Variants in PTPRD observed in about 807,000 individuals in gnomAD.
The protein encoded by PTPRD is receptor-type tyrosine-protein phosphatase delta.
A neutral mutation model predicts 214.5 loss-of-function variants in PTPRD; 34 were observed. The observed-to-expected ratio is 0.16, with a 90% CI of 0.12 to 0.21. PTPRD has a LOEUF of 0.21. Ranked by LOEUF, PTPRD falls within the 10% of genes least tolerant of loss-of-function variation. The pLI is 1.00. For missense variants in PTPRD, 2,545 were observed against 2,398.7 expected (o/e 1.06, Z -1.27); for synonymous variants, 1,128 against 845.7 (o/e 1.33, Z -5.79).
intron 14 of PTPRD, among the ~76,000 whole-genome samples, chr9:8,580,138 GA>G (rs2092915940): frequency 6.6e-6 from 1 of 152,118 alleles, no homozygotes; most frequent in Admixed American, 6.5e-5. Context: ...CAGAATATAC[GA>G]AACAAATGTT....
chr9:8,752,360 T>A (rs888248580), intron 11 of PTPRD, among the ~76,000 whole-genome samples: 1 of 152,118 alleles, frequency 6.6e-6, no homozygotes, highest in Non-Finnish European at 1.5e-5. Flanking sequence ...ACAGATGCCA[T>A]GGCAACATCA....
intron 9 of PTPRD, among the ~76,000 whole-genome samples, chr9:9,336,972 A>G (rs1202152520): frequency 1.3e-5 from 2 of 152,194 alleles, no homozygotes; most frequent in East Asian, 3.8e-4. Context: ...TATATAAACT[A>G]ATAGTTCTTT....
chr9:9,579,017 C>A (rs1265831584), intron 7 of PTPRD, among the ~76,000 whole-genome samples: 1 of 152,048 alleles, frequency 6.6e-6, no homozygotes, highest in African/African-American at 2.4e-5. Context: ...TGTTCTTTAT[C>A]ATACACATTT....
At chr9:9,977,193 C>T (rs753679823) in intron 4 of PTPRD, among the ~76,000 whole-genome samples, 1 of 152,128 alleles carries the variant, frequency 6.6e-6, no homozygotes, top group Non-Finnish European at 1.5e-5. Flanking sequence ...GGTGGATTCC[C>T]AGCTCTGCTA....
chr9:8,575,986 A>G (rs1330731746), intron 14 of PTPRD, among the ~76,000 whole-genome samples: 1 of 152,192 alleles, frequency 6.6e-6, no homozygotes, highest in African/African-American at 2.4e-5. Context: ...GTCAGTTTAC[A>G]TTTACAAATG....
At chr9:10,011,309 G>C (rs1022887650) in intron 4 of PTPRD, among the ~76,000 whole-genome samples, 27 of 151,864 alleles carry the variant, frequency 1.8e-4, no homozygotes, top group African/African-American at 6.5e-4. Flanking sequence ...ATTGAATTTA[G>C]TTAAATTGTT....
intron 10 of PTPRD, among the ~76,000 whole-genome samples, chr9:9,099,019 A>G (rs1388185306): frequency 6.6e-6 from 1 of 152,232 alleles, no homozygotes. Context: ...TGAATGGGTA[A>G]TTCTTGGAAA....
intron 39 of PTPRD, among the ~76,000 whole-genome samples, chr9:8,371,692 C>T (rs1213693664): frequency 6.6e-6 from 1 of 151,970 alleles, no homozygotes; most frequent in Non-Finnish European, 1.5e-5. Flanking sequence ...AAAAAATTAT[C>T]GTGTATATCA....
intron 12 of PTPRD, among the ~76,000 whole-genome samples, chr9:8,640,976 GAA>G (rs1355756207): frequency 4.0e-5 from 6 of 148,260 alleles, no homozygotes; most frequent in Non-Finnish European, 7.4e-5. Flanking sequence ...GAGGTAGAGA[GAA>G]GACTAAACTT....
intron 12 of PTPRD, among the ~76,000 whole-genome samples, chr9:8,661,388 T>C (rs1241807140): frequency 2.6e-5 from 4 of 152,008 alleles, no homozygotes; most frequent in Non-Finnish European, 5.9e-5. Flanking sequence ...GTTGTATTTA[T>C]AGTGGGGGCA....
intron 5 of PTPRD, among the ~76,000 whole-genome samples, chr9:9,794,711 A>G (rs2098991146): frequency 6.6e-6 from 1 of 152,212 alleles, no homozygotes; most frequent in Admixed American, 6.5e-5. Flanking sequence ...TACAGATAAT[A>G]AAACCATGGC....
chr9:8,702,515 A>T (rs2098112090), intron 12 of PTPRD, among the ~76,000 whole-genome samples: 1 of 152,206 alleles, frequency 6.6e-6, no homozygotes, highest in South Asian at 2.1e-4. Context: ...AATAAAGCCA[A>T]CAAGGACAGT....
intron 3 of PTPRD, among the ~76,000 whole-genome samples, chr9:10,328,351 C>A (rs138091581): frequency 6.6e-6 from 1 of 151,626 alleles, no homozygotes; most frequent in Admixed American, 6.6e-5. Flanking sequence ...TGCATTTGCA[C>A]AGGAGACTGT....
At chr9:9,094,961 A>C (rs1156751274) in intron 10 of PTPRD, among the ~76,000 whole-genome samples, 1 of 152,200 alleles carries the variant, frequency 6.6e-6, no homozygotes, top group African/African-American at 2.4e-5. Context: ...GCAAATAGAC[A>C]AAAGTGATAA....
chr9:8,542,943 C>T lies in PTPRD; in HGVS notation c.353-14164G>A, dbSNP rs72696604. ...TGCAATTTGAAGACAGTTGAGCATG[C>T]AAGGGTAGTTTCTCCCTAGCCAGAA... On this transcript the variant is annotated intron_variant, in intron 14 of 45. Transcript: ENST00000381196. 3.5e-3 allele frequency among the ~76,000 whole-genome samples: 531 copies of T among 152,240 alleles called. 1 individual carries two copies. Among genetic ancestry groups the T allele is most frequent in the African/African-American group, 4.5e-3 (185 of 41,550 alleles).
intron 7 of PTPRD, among the ~76,000 whole-genome samples, chr9:9,619,087 G>A (rs192602691): frequency 6.6e-6 from 1 of 152,274 alleles, no homozygotes; most frequent in African/African-American, 2.4e-5. Context: ...TCATTGACTA[G>A]AATAGTGGAC....
chr9:9,850,919 C>A (rs2060439925), intron 5 of PTPRD, among the ~76,000 whole-genome samples: 1 of 152,142 alleles, frequency 6.6e-6, no homozygotes, highest in Non-Finnish European at 1.5e-5. Flanking sequence ...GAGATTTAAT[C>A]TTAAGCAAAA....
chr9:9,677,419 C>A (rs1392258229), intron 7 of PTPRD, among the ~76,000 whole-genome samples: 1 of 152,042 alleles, frequency 6.6e-6, no homozygotes, highest in Admixed American at 6.6e-5. Flanking sequence ...TCAACATATA[C>A]AAATCAATAA....
At chr9:9,744,181 C>A (rs1294597217) in intron 6 of PTPRD, among the ~76,000 whole-genome samples, 1 of 152,060 alleles carries the variant, frequency 6.6e-6, no homozygotes, top group Non-Finnish European at 1.5e-5. Flanking sequence ...TCACACTTCC[C>A]AAACAAGTCA....
Sources: allele counts gnomAD v4.1 joint callset (sites outside exome capture counted in the v4.1 genomes callset), GRCh38; gene constraint gnomAD v4.1.1; transcripts MANE v1.5; gene names NCBI Gene and HGNC (gene_info 2026-07-23, HGNC 2026-07-21).